DCDC1: variants seen among roughly 807,000 people sequenced by gnomAD.
The protein encoded by DCDC1 is doublecortin domain-containing protein 1.
Under a neutral mutation model 178.3 loss-of-function variants are expected in DCDC1, and 200 were observed. The ratio of observed to expected loss-of-function variants is 1.12; its 90% CI spans 1.00 to 1.26. DCDC1 has a LOEUF of 1.26. Ranked by LOEUF, DCDC1 falls within the 50% of genes most tolerant of loss-of-function variation. The probability of loss-of-function intolerance (pLI) is 0.00; values close to 1 mark genes in which losing one functional copy is unlikely to be tolerated. For synonymous variants in DCDC1, 690 were observed against 604.8 expected, an observed-to-expected ratio of 1.14 and a Z score of -2.07; for missense variants, 1,983 against 1,749.2, an observed-to-expected ratio of 1.13 and a Z score of -2.38.
chr11:31,081,467 G>A (rs1304999112), intron 17 of DCDC1, among the ~76,000 whole-genome samples: 2 of 151,976 alleles, frequency 1.3e-5, no homozygotes, highest in Non-Finnish European at 2.9e-5. Context: ...AAAATTAGCC[G>A]GGTGTGGTGG....
intron 9 of DCDC1, among the ~76,000 whole-genome samples, chr11:31,156,287 C>A (rs1414492379): frequency 2.0e-5 from 3 of 152,160 alleles, no homozygotes; most frequent in African/African-American, 4.8e-5. Context: ...GAGTTCAAAG[C>A]TAATGTTTCC....
intron 3 of DCDC1, chr11:31,312,711 C>G (rs1374492776): frequency 6.6e-6 from 1 of 152,264 alleles, no homozygotes; most frequent in Non-Finnish European, 1.5e-5. Context: ...GAAACTACAG[C>G]AATGGCCCTC....
At position 31,119,158 on chromosome 11, in the gene DCDC1, G is replaced by A. The variant is rs911398309; in HGVS notation, c.1485+8311C>T. On this transcript the variant is annotated intron_variant, in intron 11 of 38. Transcript: ENST00000684477. ...TAGCTATCACATGAGATGTGTAAAGGCTTCGTAGGATCTGTTTCTTTACCT... is the reference window on the plus strand; with the variant it reads ...TAGCTATCACATGAGATGTGTAAAGACTTCGTAGGATCTGTTTCTTTACCT... Among the ~76,000 whole-genome samples the A allele has an allele frequency of 3.9e-5, 6 of 152,104 alleles. No homozygotes were observed. The South Asian group carries it at 1.2e-3, about 31-fold the overall frequency.
chr11:31,232,077 T>A (rs1975841145), intron 9 of DCDC1, among the ~76,000 whole-genome samples: 1 of 152,134 alleles, frequency 6.6e-6, no homozygotes, highest in Non-Finnish European at 1.5e-5. Flanking sequence ...GGCCACAAAT[T>A]TAGCCTTTTT....
At chr11:31,013,861 A>C (rs1044476190) in intron 20 of DCDC1, among the ~76,000 whole-genome samples, 1 of 152,240 alleles carries the variant, frequency 6.6e-6, no homozygotes, top group African/African-American at 2.4e-5. Context: ...TCCAAAAGGG[A>C]AAGGTTTTTG....
chr11:31,328,734 C>A (rs1318221094), intron 2 of DCDC1, among the ~76,000 whole-genome samples: 3 of 150,802 alleles, frequency 2.0e-5, no homozygotes, highest in African/African-American at 7.3e-5. Flanking sequence ...TGGCAGGAAC[C>A]CGGGAGGTGG....
At chr11:31,314,094 C>T (rs1478451176) in intron 3 of DCDC1, among the ~76,000 whole-genome samples, 1 of 152,162 alleles carries the variant, frequency 6.6e-6, no homozygotes, top group South Asian at 2.1e-4. Context: ...TGCATCCACA[C>T]CTGCCCTGGA....
At chr11:31,255,612 C>A (rs968929442) in intron 8 of DCDC1, among the ~76,000 whole-genome samples, 5 of 152,072 alleles carry the variant, frequency 3.3e-5, no homozygotes, top group Admixed American at 2.6e-4. Context: ...TGCTTGTTGC[C>A]ATTTGTATAA....
intron 21 of DCDC1, chr11:30,944,241 T>A: frequency 2.2e-6 from 1 of 446,390 alleles, no homozygotes; most frequent in Non-Finnish European, 4.5e-6. Context: ...CTTCCTTTTC[T>A]TGTTTCTTCC....
At chr11:31,288,808 TCAA>T (rs770043824) in intron 7 of DCDC1, among the ~76,000 whole-genome samples, 4 of 152,044 alleles carry the variant, frequency 2.6e-5, no homozygotes, top group African/African-American at 4.8e-5. Flanking sequence ...CCTATGATTA[TCAA>T]CAACACTTTC....
At position 31,242,507 on chromosome 11, in the gene DCDC1, T is replaced by A. The variant is rs75967591; in HGVS notation, c.1055-891A>T. Among the ~76,000 whole-genome samples, 667 of 152,082 alleles carry A rather than the reference T, an allele frequency of 4.4e-3. 4 individuals are homozygous for A. Among genetic ancestry groups the A allele is most frequent in the Non-Finnish European group, 6.6e-3 (447 of 67,896 alleles). Reference sequence around the variant, plus strand: ...GTAAATGATATTTTTCTTTACTTGGTCATTATTTAAGTATATACATGTGAC... The same window carrying A: ...GTAAATGATATTTTTCTTTACTTGGACATTATTTAAGTATATACATGTGAC... On this transcript the variant is annotated intron_variant, in intron 8 of 38. Transcript: ENST00000684477.
At chr11:31,098,312 T>C (rs1258671802) in intron 15 of DCDC1, among the ~76,000 whole-genome samples, 1 of 152,214 alleles carries the variant, frequency 6.6e-6, no homozygotes, top group East Asian at 1.9e-4. Flanking sequence ...ATGTTGCCAA[T>C]TTAAGTAACA....
chr11:31,083,109 T>G (rs1459109211), intron 17 of DCDC1, among the ~76,000 whole-genome samples: 2 of 152,182 alleles, frequency 1.3e-5, no homozygotes, highest in Non-Finnish European at 2.9e-5. Context: ...CAGCGTGTGT[T>G]TTTAACCTAG....
chr11:30,871,858 T>G (rs1941602155), intron 38 of DCDC1, among the ~76,000 whole-genome samples: 1 of 151,716 alleles, frequency 6.6e-6, no homozygotes, highest in African/African-American at 2.4e-5. Flanking sequence ...TTAAGTACAC[T>G]TAGACACACA....
intron 20 of DCDC1, among the ~76,000 whole-genome samples, chr11:31,010,600 G>A (rs1411466079): frequency 6.6e-6 from 1 of 152,164 alleles, no homozygotes; most frequent in African/African-American, 2.4e-5. Context: ...GCAAGTCACA[G>A]GATTTGTTCA....
Position 30,904,980 on chromosome 11 carries a change from A to G in DCDC1, c.4289T>C (p.Val1430Ala). Residue 1430 changes from valine (V) to alanine (A), a missense_variant, in exon 31 of 39, where the codon GTG becomes GCG. Transcript: ENST00000684477. ...ACTTACCATGGGGAATGTTCCAGCC[A>G]CAATTAACTTCCCATTACGATACCC... ...GDGYRNGKLI[V>A]AGTFPMLLTE... The G allele has an allele frequency of 6.2e-7, 1 of 1,613,810 alleles. No individual in the cohort carries two copies. Among genetic ancestry groups the G allele is most frequent in the South Asian group, 1.1e-5 (1 of 91,086 alleles).
chr11:30,902,991 T>C (rs1371483060), intron 32 of DCDC1, among the ~76,000 whole-genome samples: 6 of 152,046 alleles, frequency 3.9e-5, no homozygotes, highest in Admixed American at 1.3e-4. Flanking sequence ...TGGGAGATAG[T>C]AAAAAGTGGA....
At chr11:30,920,330 G>C (rs1946156525) in intron 25 of DCDC1, among the ~76,000 whole-genome samples, 1 of 152,166 alleles carries the variant, frequency 6.6e-6, no homozygotes, top group Admixed American at 6.5e-5. Context: ...ATTGTCTACA[G>C]TTTAACTTAG....
intron 20 of DCDC1, among the ~76,000 whole-genome samples, chr11:30,983,261 G>A (rs1950480303): frequency 6.6e-6 from 1 of 152,116 alleles, no homozygotes; most frequent in South Asian, 2.1e-4. Context: ...CACATAATCA[G>A]AAGTGTTTCC....
Sources: allele counts gnomAD v4.1 joint callset (sites outside exome capture counted in the v4.1 genomes callset), GRCh38; gene constraint gnomAD v4.1.1; transcripts MANE v1.5; gene names NCBI Gene and HGNC (gene_info 2026-07-23, HGNC 2026-07-21).